Variants in UGGT1 observed in about 807,000 individuals in gnomAD.
The protein encoded by UGGT1 is UDP-glucose glycoprotein glucosyltransferase 1, also known as UDP-glucose:glycoprotein glucosyltransferase 1.
A neutral mutation model predicts 203.9 loss-of-function variants in UGGT1; 107 were observed. The ratio of observed to expected loss-of-function variants is 0.52; its 90% CI spans 0.45 to 0.62. UGGT1 has a LOEUF of 0.62. Ranked by LOEUF, UGGT1 falls within the 20% of genes least tolerant of loss-of-function variation. The pLI, the probability that UGGT1 is intolerant of heterozygous loss-of-function variation, is 0.00. For missense variants in UGGT1, 1,673 were observed against 1,867.2 expected (o/e 0.90, Z 1.92); for synonymous variants, 628 against 653.5 (o/e 0.96, Z 0.59).
At chr2:128,182,909 C>CCT (rs1553447479) in intron 37 of UGGT1, among the ~76,000 whole-genome samples, 18 of 114,246 alleles carry the variant, frequency 1.6e-4, no homozygotes, top group African/African-American at 5.7e-4. Flanking sequence ...TGTAACTTGG[C>CCT]TTTTTTTTTT....
chr2:128,155,310 G>A (rs1353411377), intron 19 of UGGT1, among the ~76,000 whole-genome samples, 179 bp from the exon 20 acceptor site: 2 of 152,180 alleles, frequency 1.3e-5, no homozygotes, highest in Non-Finnish European at 2.9e-5. Context: ...TGTCTTTGAT[G>A]TGTGACTTCA....
chr2:128,195,137 TC>T lies in UGGT1; in HGVS notation c.*5396del, dbSNP rs1692456884. 6.6e-6 allele frequency: 1 copy of T among 152,288 alleles called. No individual in the cohort carries two copies. Among genetic ancestry groups the T allele is most frequent in the Non-Finnish European group, 1.5e-5 (1 of 68,086 alleles). The allele number at this position is 152,288 out of a possible 1,614,324, so 9.4% of individuals were successfully genotyped here. A position where few individuals can be genotyped will look rare whatever the true frequency, so the allele number is the denominator to read the frequency against. ...ACCTTGGGAGGCCAAGGCAGGCGGA[TC>T]ACCCGAGGTCAGGAGTTTGAGGATT... On this transcript the variant is annotated 3_prime_UTR_variant, in exon 41 of 41. Coordinates refer to ENST00000259253, the MANE Select transcript of UGGT1 (RefSeq NM_020120.4).
chr2:128,096,709 T>G (rs1265684385), intron 1 of UGGT1, among the ~76,000 whole-genome samples: 1 of 152,220 alleles, frequency 6.6e-6, no homozygotes, highest in African/African-American at 2.4e-5. Context: ...GGGGATAGGA[T>G]TTCCATATCT....
At chr2:128,147,820 C>G (rs1014745762) in intron 18 of UGGT1, among the ~76,000 whole-genome samples, 34 of 152,052 alleles carry the variant, frequency 2.2e-4, no homozygotes, top group African/African-American at 8.0e-4. Flanking sequence ...CTATGTTGCC[C>G]AGGCAGGTCT....
intron 13 of UGGT1, among the ~76,000 whole-genome samples, chr2:128,130,965 G>A (rs565729874): frequency 2.6e-5 from 4 of 152,182 alleles, no homozygotes; most frequent in Admixed American, 2.6e-4. Context: ...AGGCACAGTG[G>A]CTCACGCCTG....
intron 22 of UGGT1, among the ~76,000 whole-genome samples, chr2:128,159,082 ACTAT>A (rs1178460824): frequency 1.4e-5 from 2 of 146,722 alleles, no homozygotes; most frequent in Non-Finnish European, 3.0e-5. Flanking sequence ...GAGGAGGAGA[ACTAT>A]CTGAGACTTT....
chr2:128,165,674 G>A (rs1300604363), intron 26 of UGGT1, among the ~76,000 whole-genome samples: 2 of 152,106 alleles, frequency 1.3e-5, no homozygotes, highest in Non-Finnish European at 2.9e-5. Context: ...TCCAGCCTTG[G>A]AGACAGAGCA....
At chr2:128,117,474 A>G (rs535417478) in intron 8 of UGGT1, among the ~76,000 whole-genome samples, 5 of 152,330 alleles carry the variant, frequency 3.3e-5, no homozygotes, top group African/African-American at 1.2e-4. Context: ...TCATTTAATG[A>G]AAGCATCATC....
chr2:128,148,523 C>T, intron 18 of UGGT1, among the ~76,000 whole-genome samples: 1 of 152,188 alleles, frequency 6.6e-6, no homozygotes, highest in East Asian at 1.9e-4. Flanking sequence ...CCCCAAGGGT[C>T]TCTGTGTTGT....
At chr2:128,100,040 T>TC (rs1426594702) in intron 2 of UGGT1, among the ~76,000 whole-genome samples, 5 of 83,586 alleles carry the variant, frequency 6.0e-5, no homozygotes, top group Admixed American at 3.4e-4. Flanking sequence ...ACCCTACTTA[T>TC]TTTTTTTGAG....
intron 5 of UGGT1, 71 bp downstream of exon 5, chr2:128,109,817 G>T: frequency 7.9e-7 from 1 of 1,272,572 alleles, no homozygotes. Context: ...TCTACCTTCT[G>T]ATTTTCTCAT....
chr2:128,123,062 A>C lies in UGGT1; in HGVS notation c.1074-124A>C, dbSNP rs1457628407. 6 of 604,934 alleles carry C rather than the reference A, an allele frequency of 9.9e-6. No individual in the cohort carries two copies. The Admixed American group carries it at 2.1e-4, about 22-fold the overall frequency. 37.5% of individuals were successfully genotyped at this position (604,934 alleles called of 1,614,324 possible). A position where few individuals can be genotyped will look rare whatever the true frequency, so the allele number is the denominator to read the frequency against. On this transcript the variant is annotated intron_variant, in intron 10 of 40. Coordinates refer to ENST00000259253, the MANE Select transcript of UGGT1 (RefSeq NM_020120.4). ...ATATATTTATCAATTATAAAAATTTAAGGTTTTTCCCATTCAGTTTTTTCT... is the reference window on the plus strand; with the variant it reads ...ATATATTTATCAATTATAAAAATTTCAGGTTTTTCCCATTCAGTTTTTTCT...
chr2:128,154,000 A>C (rs928748176), intron 19 of UGGT1, among the ~76,000 whole-genome samples: 3 of 152,108 alleles, frequency 2.0e-5, no homozygotes, highest in Non-Finnish European at 4.4e-5. Flanking sequence ...GTAATGCACT[A>C]TCTCTAATAG....
chr2:128,113,253 A>G lies in UGGT1; in HGVS notation c.691A>G (p.Ile231Val). ...AATCAATTATGTATTCAGACATTAT[A>G]TATTTGTAAGTATTGACTTATTTTA... ...GKINYVFRHYIFNPRKEPVYL... is the reference protein window; with the variant it reads ...GKINYVFRHYVFNPRKEPVYL... Residue 231 changes from isoleucine to valine, a missense_variant, in exon 6 of 41, where the codon ATA (isoleucine) becomes GTA (valine). By Grantham distance (29) the Ile-to-Val change is conservative. Transcript: ENST00000259253. 1.9e-6 allele frequency: 3 copies of G among 1,598,228 alleles called. No homozygotes were observed. Among genetic ancestry groups the G allele is most frequent in the Non-Finnish European group, 2.6e-6 (3 of 1,171,160 alleles).
At chr2:128,179,130 A>G (rs1461632786) in intron 34 of UGGT1, among the ~76,000 whole-genome samples, 1 of 151,860 alleles carries the variant, frequency 6.6e-6, no homozygotes, top group Non-Finnish European at 1.5e-5. Flanking sequence ...CACTTTTCTC[A>G]TTGCCAGGGC....
intron 25 of UGGT1, among the ~76,000 whole-genome samples, chr2:128,163,021 T>A (rs1690602734): frequency 6.6e-6 from 1 of 152,182 alleles, no homozygotes. Flanking sequence ...ACAGCTATCA[T>A]TCATGACCCA....
chr2:128,139,259 A>G (rs908738002), intron 16 of UGGT1, among the ~76,000 whole-genome samples: 1 of 152,106 alleles, frequency 6.6e-6, no homozygotes, highest in African/African-American at 2.4e-5. Flanking sequence ...TTATTTATTT[A>G]TGTACTTTTT....
intron 13 of UGGT1, 144 bp downstream of exon 13, chr2:128,129,323 T>G (rs1208851212): frequency 3.0e-6 from 3 of 992,388 alleles, no homozygotes; most frequent in African/African-American, 3.3e-5. Flanking sequence ...TATGGGACTT[T>G]GTGTATGTAA....
rs560171015 is a variant in UGGT1, at chr2:128,161,091, G to T, written c.2695-47G>T. ...AGGGTTCCTTACCAGCTTGCTGAGT[G>T]CAGGCAGCCTTCCAGAGCTAAGCGC... On this transcript the variant is annotated intron_variant, in intron 24 of 40. Transcript: ENST00000259253. 246 of 1,606,488 alleles carry T rather than the reference G, an allele frequency of 1.5e-4. 2 individuals are homozygous for T. In the South Asian group the frequency reaches 2.6e-3, roughly 17 times the overall value.
Sources: allele counts gnomAD v4.1 joint callset (sites outside exome capture counted in the v4.1 genomes callset), GRCh38; gene constraint gnomAD v4.1.1; transcripts MANE v1.5; gene names NCBI Gene and HGNC (gene_info 2026-07-23, HGNC 2026-07-21).